Variants in SLC10A2 observed in about 807,000 individuals in gnomAD.
SLC10A2 encodes solute carrier family 10 member 2.
In SLC10A2, 34 loss-of-function variants were observed where a neutral mutation model predicts 27.1. That is an observed-to-expected ratio of 1.26 (90% CI 0.96 to 1.67). The LOEUF (loss-of-function observed/expected upper bound fraction) is 1.67, where lower values mean the gene tolerates loss of function less well. Among genes scored for constraint, SLC10A2 ranks in the 40% most tolerant of loss-of-function variants. SLC10A2 has a pLI of 0.00. For synonymous variants in SLC10A2, 205 were observed against 174.0 expected, an observed-to-expected ratio of 1.18 and a Z score of -1.40; for missense variants, 530 against 444.4, an observed-to-expected ratio of 1.19 and a Z score of -1.73.
intron 3 of SLC10A2, among the ~76,000 whole-genome samples, chr13:103,052,260 C>T (rs893460170): frequency 6.6e-6 from 1 of 152,042 alleles, no homozygotes; most frequent in Non-Finnish European, 1.5e-5. Context: ...AGAGTAAACC[C>T]AAGAGGTGAT....
chr13:103,062,473 A>G (rs867892112), intron 1 of SLC10A2, among the ~76,000 whole-genome samples: 1 of 152,244 alleles, frequency 6.6e-6, no homozygotes, highest in African/African-American at 2.4e-5. Flanking sequence ...TGCATGGCAT[A>G]TACTAGTGTT....
intron 2 of SLC10A2, among the ~76,000 whole-genome samples, chr13:103,053,303 A>G (rs1875843834): frequency 6.6e-6 from 1 of 152,218 alleles, no homozygotes; most frequent in Admixed American, 6.5e-5. Context: ...AATTTACAGC[A>G]GAGAGGTGAG....
chr13:103,055,836 A>G (rs977357876), intron 2 of SLC10A2, among the ~76,000 whole-genome samples: 2 of 152,190 alleles, frequency 1.3e-5, no homozygotes, highest in African/African-American at 4.8e-5. Flanking sequence ...ATGTCCTTGT[A>G]CTTTAACCAA....
intron 5 of SLC10A2, 22 bp from the exon 6 acceptor site, chr13:103,046,282 G>T (rs1286548903): frequency 1.3e-6 from 2 of 1,580,006 alleles, no homozygotes; most frequent in Admixed American, 1.7e-5. Flanking sequence ...TACACAGACA[G>T]TTAAGTAAAT....
At position 103,065,943 on chromosome 13, in the gene SLC10A2, T is replaced by C. The variant is rs750569881; in HGVS notation, c.307A>G (p.Ile103Val). ...GCAGTTCCTCCAGGGCAGCATCCTATAATGAGCACCACTACGGCCTGGAGC... is the reference window on the plus strand; with the variant it reads ...GCAGTTCCTCCAGGGCAGCATCCTACAATGAGCACCACTACGGCCTGGAGC... The part of the protein sequence containing the change: ...LPLQAVVVLI[I>V]GCCPGGTASN... Residue 103 changes from isoleucine (I) to valine (V), a missense_variant, in exon 1 of 6, where the codon ATA becomes GTA. Physicochemically the swap from Ile to Val is conservative, Grantham distance 29. Coordinates refer to ENST00000245312, the MANE Select transcript of SLC10A2 (RefSeq NM_000452.3). The C allele has an allele frequency of 6.2e-7, 1 of 1,614,062 alleles. No homozygotes were observed. Among genetic ancestry groups the C allele is most frequent in the African/African-American group, 1.3e-5 (1 of 74,940 alleles).
intron 2 of SLC10A2, 115 bp downstream of exon 2, chr13:103,058,149 A>T: frequency 3.8e-6 from 3 of 783,156 alleles, no homozygotes; most frequent in African/African-American, 1.7e-5. Flanking sequence ...GAAATCAGGC[A>T]AAAACTCCTA....
At chr13:103,049,151 T>C in intron 5 of SLC10A2, 138 bp downstream of exon 5, 1 of 840,068 alleles carries the variant, frequency 1.2e-6, no homozygotes. Context: ...AAAGTCATGA[T>C]AATATGACGG....
At chr13:103,063,792 G>A (rs1297856969) in intron 1 of SLC10A2, among the ~76,000 whole-genome samples, 1 of 152,170 alleles carries the variant, frequency 6.6e-6, no homozygotes, top group Non-Finnish European at 1.5e-5. Flanking sequence ...AAGAGTAAGT[G>A]ATACAGAGAC....
rs1348825743 is a variant in SLC10A2, at chr13:103,056,038, GTCTGGC to G, written c.496+2220_496+2225del. ...GTCAGGTTTTAGCTTAGATTGTGAT[GTCTGGC>G]TCCAGCCAATGGAGACAGGACACAG... On this transcript the variant is annotated intron_variant, in intron 2 of 5. Coordinates refer to ENST00000245312, the MANE Select transcript of SLC10A2 (RefSeq NM_000452.3). 2.0e-5 allele frequency among the ~76,000 whole-genome samples: 3 copies of G among 152,330 alleles called. No homozygotes were observed. The East Asian group carries it at 5.8e-4, about 29-fold the overall frequency.
chr13:103,063,374 T>G (rs1232805175), intron 1 of SLC10A2, among the ~76,000 whole-genome samples: 2 of 152,202 alleles, frequency 1.3e-5, no homozygotes, highest in Admixed American at 6.5e-5. Context: ...TTGTGTGGCA[T>G]TAGCTCAATT....
In SLC10A2 at chr13:103,066,164, A is replaced by G. The variant is rs900731483; in HGVS notation, c.86T>C (p.Ile29Thr). 6.2e-7 allele frequency: 1 copy of G among 1,614,088 alleles called. No individual in the cohort carries two copies. Among genetic ancestry groups the G allele is most frequent in the Non-Finnish European group, 8.5e-7 (1 of 1,179,982 alleles). The change falls in exon 1 of 6, where the codon ATC (isoleucine) becomes ACC (threonine). Residue 29 changes from isoleucine to threonine, a missense_variant. Ile to Thr is a moderately conservative substitution (Grantham distance 89). Coordinates refer to ENST00000245312, the MANE Select transcript of SLC10A2 (RefSeq NM_000452.3). Reference protein sequence around the residue: ...CVVPESNFNNILSVVLSTVLT... With the variant: ...CVVPESNFNNTLSVVLSTVLT... Reference sequence around the variant, plus strand: ...CACCGTACTTAGGACCACACTTAGGATGTTATTGAAATTGCTCTCAGGTAC... The same window carrying G: ...CACCGTACTTAGGACCACACTTAGGGTGTTATTGAAATTGCTCTCAGGTAC...
intron 1 of SLC10A2, among the ~76,000 whole-genome samples, chr13:103,060,347 C>G (rs1171727591): frequency 6.6e-6 from 1 of 150,664 alleles, no homozygotes; most frequent in Non-Finnish European, 1.5e-5. Flanking sequence ...TAGACCAATG[C>G]AAAGCACTCT....
chr13:103,055,607 G>T (rs145603730), intron 2 of SLC10A2, among the ~76,000 whole-genome samples: 1 of 152,188 alleles, frequency 6.6e-6, no homozygotes, highest in East Asian at 1.9e-4. Flanking sequence ...TGGAGGCCTG[G>T]GCAAACATGG....
In SLC10A2 at chr13:103,049,834, T is replaced by C. The variant is rs554196932; in HGVS notation, c.762-388A>G. On this transcript the variant is annotated intron_variant, in intron 4 of 5. Transcript: ENST00000245312. ...TATGGTATTTGTTGTCGCTGTTTTATTGTTTAATTTGTTTTGTTTAGGCTG... is the reference window on the plus strand; with the variant it reads ...TATGGTATTTGTTGTCGCTGTTTTACTGTTTAATTTGTTTTGTTTAGGCTG... 3.3e-5 allele frequency among the ~76,000 whole-genome samples: 5 copies of C among 152,286 alleles called. No homozygotes were observed. The South Asian group carries it at 1.0e-3, about 32-fold the overall frequency.
chr13:103,053,005 A>ATTAGTT (rs1005415537), intron 2 of SLC10A2, among the ~76,000 whole-genome samples: 1 of 151,568 alleles, frequency 6.6e-6, no homozygotes, highest in Admixed American at 6.6e-5. Context: ...GCCAGCATAC[A>ATTAGTT]TTAGTTTTAA....
At chr13:103,047,621 C>T (rs747908605) in intron 5 of SLC10A2, among the ~76,000 whole-genome samples, 28 of 148,804 alleles carry the variant, frequency 1.9e-4, no homozygotes, top group Non-Finnish European at 3.7e-4. Context: ...AGAATCCTAG[C>T]CTTACCACCA....
chr13:103,055,172 A>T (rs1167767330), intron 2 of SLC10A2, among the ~76,000 whole-genome samples: 1 of 151,988 alleles, frequency 6.6e-6, no homozygotes, highest in East Asian at 1.9e-4. Context: ...CATTTGTAAA[A>T]TGGGTGGAGT....
intron 2 of SLC10A2, among the ~76,000 whole-genome samples, chr13:103,057,149 C>T (rs571195032): frequency 1.1e-4 from 17 of 152,020 alleles, no homozygotes; most frequent in Admixed American, 5.2e-4. Flanking sequence ...GATTTTTTTC[C>T]AAGGTCAGTG....
At chr13:103,056,098 G>A (rs981471823) in intron 2 of SLC10A2, among the ~76,000 whole-genome samples, 3 of 152,232 alleles carry the variant, frequency 2.0e-5, no homozygotes, top group East Asian at 1.9e-4. Context: ...TAAGGGATAC[G>A]AATTACTTCC....
Sources: gnomAD v4.1 joint callset for allele counts (sites outside exome capture counted in the v4.1 genomes callset) on GRCh38, gnomAD v4.1.1 for gene constraint, MANE v1.5 for transcripts, NCBI Gene and HGNC (gene_info 2026-07-23, HGNC 2026-07-21) for gene names.